TTC29: variants seen among roughly 807,000 people sequenced by gnomAD.
TTC29 encodes the protein tetratricopeptide repeat domain 29, also known as tetratricopeptide repeat protein 29.
In TTC29, 49 loss-of-function variants were observed where a neutral mutation model predicts 58.1. The ratio of observed to expected loss-of-function variants is 0.84; its 90% CI spans 0.67 to 1.07. The LOEUF (loss-of-function observed/expected upper bound fraction) is 1.07. Ranked by LOEUF, TTC29 falls within the 50% of genes least tolerant of loss-of-function variation. The pLI is 0.00. For synonymous variants in TTC29, 209 were observed against 196.8 expected (o/e 1.06, Z -0.52); for missense variants, 582 against 555.6 (o/e 1.05, Z -0.48).
intron 8 of TTC29, among the ~76,000 whole-genome samples, chr4:146,841,375 C>T (rs1479435990): frequency 6.6e-6 from 1 of 152,070 alleles, no homozygotes; most frequent in Admixed American, 6.6e-5. Flanking sequence ...GACCAGATCA[C>T]ACAGGTCAGT....
chr4:146,911,771 A>AG (rs1470071567), intron 4 of TTC29, among the ~76,000 whole-genome samples: 2 of 152,124 alleles, frequency 1.3e-5, no homozygotes, highest in African/African-American at 4.8e-5. Context: ...CCCTTATTTT[A>AG]GGGAAAAATG....
intron 9 of TTC29, among the ~76,000 whole-genome samples, chr4:146,832,762 G>A (rs9799700): frequency 0.061 from 9,312 of 152,082 alleles, 393 homozygotes; most frequent in Admixed American, 0.13. Flanking sequence ...AAAGTGCTGG[G>A]ATTACAGGCG....
At chr4:146,895,859 A>G (rs1288641893) in intron 6 of TTC29, among the ~76,000 whole-genome samples, 1 of 152,134 alleles carries the variant, frequency 6.6e-6, no homozygotes, top group Non-Finnish European at 1.5e-5. Context: ...TTTCTCATCT[A>G]AAATTGCATA....
At chr4:146,930,833 G>T (rs1735284129) in intron 4 of TTC29, among the ~76,000 whole-genome samples, 1 of 152,112 alleles carries the variant, frequency 6.6e-6, no homozygotes, top group South Asian at 2.1e-4. Flanking sequence ...GTACCTGTGT[G>T]CTTGTCTCCT....
At chr4:146,852,432 G>A (rs1331681409) in intron 8 of TTC29, among the ~76,000 whole-genome samples, 1 of 152,188 alleles carries the variant, frequency 6.6e-6, no homozygotes, top group East Asian at 1.9e-4. Context: ...GCATCTGCTA[G>A]CTTTGTGACC....
At chr4:146,899,885 G>A (rs1485777280) in intron 6 of TTC29, among the ~76,000 whole-genome samples, 1 of 152,070 alleles carries the variant, frequency 6.6e-6, no homozygotes, top group Non-Finnish European at 1.5e-5. Context: ...CATGAATGAG[G>A]GCACCCCTGG....
intron 10 of TTC29, among the ~76,000 whole-genome samples, chr4:146,806,867 TC>T (rs1351773968): frequency 6.6e-6 from 1 of 152,056 alleles, no homozygotes; most frequent in African/African-American, 2.4e-5. Flanking sequence ...GGACTTGAAC[TC>T]AGCTGTGGAC....
intron 11 of TTC29, among the ~76,000 whole-genome samples, chr4:146,741,487 C>CT (rs762817689): frequency 0.01 from 1,428 of 140,046 alleles, 22 homozygotes; most frequent in East Asian, 0.054. Flanking sequence ...AAAAATTGTT[C>CT]TTTTTTTTTT....
At chr4:146,813,393 G>A (rs1006274749) in intron 10 of TTC29, among the ~76,000 whole-genome samples, 4 of 152,162 alleles carry the variant, frequency 2.6e-5, no homozygotes, top group South Asian at 4.1e-4. Flanking sequence ...CAAAAGACCC[G>A]GAGGGTAGGA....
intron 11 of TTC29, among the ~76,000 whole-genome samples, chr4:146,744,411 T>G: frequency 6.7e-6 from 1 of 149,024 alleles, no homozygotes; most frequent in Non-Finnish European, 1.5e-5. Flanking sequence ...AAAGAAGGAG[T>G]GGGGTGGGAG....
At chr4:146,890,176 C>G (rs1212616567) in intron 6 of TTC29, among the ~76,000 whole-genome samples, 1 of 152,104 alleles carries the variant, frequency 6.6e-6, no homozygotes, top group Non-Finnish European at 1.5e-5. Flanking sequence ...GTTCTGGAGG[C>G]TGAAAGTTCA....
chr4:146,905,706 T>G (rs550476340), intron 5 of TTC29, among the ~76,000 whole-genome samples: 1 of 152,198 alleles, frequency 6.6e-6, no homozygotes, highest in Admixed American at 6.5e-5. Flanking sequence ...GGGTTTCTTA[T>G]GCTCCTTAAA....
At chr4:146,826,960 A>G (rs529208073) in intron 9 of TTC29, among the ~76,000 whole-genome samples, 32 of 151,358 alleles carry the variant, frequency 2.1e-4, no homozygotes, top group African/African-American at 7.7e-4. Context: ...CAGGTCGTTT[A>G]TGTTCCTCTC....
chr4:146,898,607 T>TA (rs1176841751), intron 6 of TTC29, among the ~76,000 whole-genome samples: 2 of 152,238 alleles, frequency 1.3e-5, no homozygotes, highest in African/African-American at 2.4e-5. Context: ...ACGTTGTTCT[T>TA]ACAATGATCT....
intron 9 of TTC29, among the ~76,000 whole-genome samples, chr4:146,821,449 T>C (rs1200089602): frequency 1.3e-5 from 2 of 152,198 alleles, no homozygotes; most frequent in African/African-American, 4.8e-5. Flanking sequence ...AAAAAAAACT[T>C]TTAAAAGTTT....
chr4:146,902,502 G>A (rs190249725), intron 6 of TTC29, among the ~76,000 whole-genome samples: 185 of 152,302 alleles, frequency 1.2e-3, no homozygotes, highest in Non-Finnish European at 2.2e-3. Flanking sequence ...CCCACTGGAC[G>A]CAGGTTGTCC....
intron 7 of TTC29, among the ~76,000 whole-genome samples, chr4:146,873,578 C>T (rs909989268): frequency 1.3e-5 from 2 of 152,142 alleles, no homozygotes; most frequent in African/African-American, 2.4e-5. Flanking sequence ...CAATGCATTC[C>T]TTTTCATTGA....
chr4:146,788,050 C>T (rs1312884869), intron 11 of TTC29, among the ~76,000 whole-genome samples: 1 of 152,152 alleles, frequency 6.6e-6, no homozygotes, highest in South Asian at 2.1e-4. Flanking sequence ...CATCATGCTG[C>T]TGAAACTGAT....
intron 11 of TTC29, among the ~76,000 whole-genome samples, chr4:146,782,916 T>C (rs1462293781): frequency 6.6e-6 from 1 of 152,012 alleles, no homozygotes; most frequent in Admixed American, 6.6e-5. Context: ...AAAGACCTTG[T>C]AAATCCAGAA....
Sources: allele counts gnomAD v4.1 joint callset (sites outside exome capture counted in the v4.1 genomes callset), GRCh38; gene constraint gnomAD v4.1.1; transcripts MANE v1.5; gene names NCBI Gene and HGNC (gene_info 2026-07-23, HGNC 2026-07-21).